The following JAKMIP2 variants were observed in gnomAD, a reference collection of about 807,000 sequenced individuals.
JAKMIP2 encodes janus kinase and microtubule interacting protein 2.
In JAKMIP2, 25 loss-of-function variants were observed where a neutral mutation model predicts 115.0. That is an observed-to-expected ratio of 0.22 (90% CI 0.16 to 0.30). The LOEUF (loss-of-function observed/expected upper bound fraction) is 0.30. Ranked by LOEUF, JAKMIP2 falls within the 10% of genes least tolerant of loss-of-function variation. The probability of loss-of-function intolerance (pLI) is 1.00; values close to 1 mark genes in which losing one functional copy is unlikely to be tolerated. For missense variants in JAKMIP2, 642 were observed against 957.6 expected (o/e 0.67, Z 4.35); for synonymous variants, 334 against 343.6 (o/e 0.97, Z 0.31).
At chr5:147,750,595 A>ACACACACACACAC (rs1754514085) in intron 1 of JAKMIP2, among the ~76,000 whole-genome samples, 8 of 109,128 alleles carry the variant, frequency 7.3e-5, no homozygotes, top group Admixed American at 1.8e-4. Flanking sequence ...CACACACACA[A>ACACACACACACAC]AAGAAACCTA....
rs60338770 is a variant in JAKMIP2, at chr5:147,678,959, TTTTATTTA to T, written c.-148-7013_-148-7006del. 1.7e-3 allele frequency among the ~76,000 whole-genome samples: 250 copies of T among 147,998 alleles called. 1 individual carries two copies. Among genetic ancestry groups the T allele is most frequent in the East Asian group, 6.4e-3 (32 of 5,010 alleles). ...ATACTGTTTTGATGTCCAACTACAT[TTTTATTTA>T]TTTATTTATTTATTTATTTATTTAT... On this transcript the variant is annotated intron_variant, in intron 1 of 21. Coordinates refer to ENST00000616793, the MANE Select transcript of JAKMIP2 (RefSeq NM_001270941.2).
Position 147,649,412 on chromosome 5 carries a change from G to A in JAKMIP2, c.837+926C>T, listed in dbSNP as rs1040540730. On this transcript the variant is annotated intron_variant, in intron 4 of 21. Transcript: ENST00000616793. The stretch of plus-strand genomic sequence containing the variant: ...CTAATCTTTAGACCAGCCATATGAG[G>A]TACTACTATAGCTTCTATTTTACAC... Among the ~76,000 whole-genome samples the A allele has an allele frequency of 4.6e-5, 7 of 152,158 alleles. No homozygotes were observed. In the East Asian group the frequency reaches 1.4e-3, roughly 29 times the overall value.
At chr5:147,726,382 G>A (rs1753517278) in intron 1 of JAKMIP2, among the ~76,000 whole-genome samples, 1 of 152,172 alleles carries the variant, frequency 6.6e-6, no homozygotes, top group Non-Finnish European at 1.5e-5. Context: ...AAGTCACTAG[G>A]GCTGCCCAAG....
intron 1 of JAKMIP2, among the ~76,000 whole-genome samples, chr5:147,765,341 G>A (rs1034722030): frequency 6.6e-6 from 1 of 151,964 alleles, no homozygotes; most frequent in Non-Finnish European, 1.5e-5. Flanking sequence ...TTTTCCAACT[G>A]ATGGTGATGA....
At chr5:147,725,805 G>A (rs771637657) in intron 1 of JAKMIP2, among the ~76,000 whole-genome samples, 1 of 152,066 alleles carries the variant, frequency 6.6e-6, no homozygotes, top group Non-Finnish European at 1.5e-5. Context: ...TGGCATAATG[G>A]GATGTTAATT....
intron 18 of JAKMIP2, among the ~76,000 whole-genome samples, chr5:147,619,852 A>G (rs1756765161): frequency 6.6e-6 from 1 of 152,222 alleles, no homozygotes; most frequent in South Asian, 2.1e-4. Context: ...AAGTTCTTAT[A>G]TTCTCTAAAT....
At chr5:147,778,483 T>A (rs573160468) in intron 1 of JAKMIP2, among the ~76,000 whole-genome samples, 1 of 152,232 alleles carries the variant, frequency 6.6e-6, no homozygotes, top group South Asian at 2.1e-4. Context: ...ATTGGTAAGA[T>A]AATTTGCTAC....
chr5:147,693,589 G>A (rs1751970546), intron 1 of JAKMIP2, among the ~76,000 whole-genome samples: 1 of 152,052 alleles, frequency 6.6e-6, no homozygotes, highest in East Asian at 1.9e-4. Flanking sequence ...AATAAAAAAA[G>A]GGGCTGAAAA....
intron 1 of JAKMIP2, among the ~76,000 whole-genome samples, chr5:147,726,378 C>G (rs1179784293): frequency 6.6e-6 from 1 of 152,150 alleles, no homozygotes; most frequent in Non-Finnish European, 1.5e-5. Context: ...AGCCAAGTCA[C>G]TAGGGCTGCC....
At chr5:147,592,621 A>G (rs1024145732) in intron 21 of JAKMIP2, among the ~76,000 whole-genome samples, 2 of 152,204 alleles carry the variant, frequency 1.3e-5, no homozygotes, top group East Asian at 3.9e-4. Flanking sequence ...GGTCTGAACA[A>G]CATGGATAGA....
chr5:147,592,102 G>T (rs539493478), intron 21 of JAKMIP2, among the ~76,000 whole-genome samples: 2 of 152,112 alleles, frequency 1.3e-5, no homozygotes. Flanking sequence ...TGGTTACATG[G>T]ATATATTTCA....
chr5:147,690,539 TTATATATATATA>T (rs58086292), intron 1 of JAKMIP2, among the ~76,000 whole-genome samples: 9,283 of 92,050 alleles, frequency 0.1, 492 homozygotes, highest in South Asian at 0.13. Flanking sequence ...ACTAAAGAGA[TTATATATATATA>T]TATATATATA....
chr5:147,749,890 T>A (rs1754487944), intron 1 of JAKMIP2, among the ~76,000 whole-genome samples: 1 of 148,798 alleles, frequency 6.7e-6, no homozygotes. Flanking sequence ...CCCATACTTA[T>A]AAATGTTTTT....
chr5:147,782,410 A>G, intron 1 of JAKMIP2, 46 bp downstream of exon 1: 1 of 1,531,010 alleles, frequency 6.5e-7, no homozygotes, highest in Non-Finnish European at 8.8e-7. Flanking sequence ...CAGGTCAAAT[A>G]AGAACACTCT....
intron 19 of JAKMIP2, among the ~76,000 whole-genome samples, chr5:147,615,861 T>A (rs1343863521): frequency 6.6e-6 from 1 of 152,104 alleles, no homozygotes; most frequent in Non-Finnish European, 1.5e-5. Flanking sequence ...GGAGTCAGAT[T>A]CACACAGAGA....
chr5:147,761,535 A>T (rs1754928370), intron 1 of JAKMIP2, among the ~76,000 whole-genome samples: 2 of 152,082 alleles, frequency 1.3e-5, no homozygotes, highest in Admixed American at 1.3e-4. Context: ...TGGATTTATT[A>T]TCTAACTTTA....
chr5:147,670,396 C>T (rs1477367847), intron 2 of JAKMIP2, among the ~76,000 whole-genome samples: 2 of 151,988 alleles, frequency 1.3e-5, no homozygotes, highest in Non-Finnish European at 2.9e-5. Flanking sequence ...CTAAATAAGG[C>T]AACTTTATGC....
intron 21 of JAKMIP2, among the ~76,000 whole-genome samples, chr5:147,593,447 C>A (rs1030449956): frequency 6.6e-6 from 1 of 152,174 alleles, no homozygotes; most frequent in African/African-American, 2.4e-5. Flanking sequence ...AGGGAGAATC[C>A]TTTTCCCTCT....
At chr5:147,663,943 A>AT (rs1561523886) in intron 2 of JAKMIP2, among the ~76,000 whole-genome samples, 2 of 152,064 alleles carry the variant, frequency 1.3e-5, no homozygotes, top group East Asian at 1.9e-4. Flanking sequence ...TTGAAGTGAG[A>AT]TTTTCTCTCC....
Sources: gnomAD v4.1 joint callset for allele counts (sites outside exome capture counted in the v4.1 genomes callset) on GRCh38, gnomAD v4.1.1 for gene constraint, MANE v1.5 for transcripts, NCBI Gene and HGNC (gene_info 2026-07-23, HGNC 2026-07-21) for gene names.